Variants in EGFR observed in about 807,000 individuals in gnomAD.
EGFR encodes epidermal growth factor receptor.
EGFR carries 58 observed loss-of-function variants against 143.0 expected under a neutral mutation model. The observed-to-expected ratio is 0.41, with a 90% CI of 0.33 to 0.50. EGFR has a LOEUF of 0.50. EGFR is among the 20% of genes least tolerant of loss of function. The pLI, the probability that EGFR is intolerant of heterozygous loss-of-function variation, is 0.39. For synonymous variants in EGFR, 613 were observed against 594.4 expected (o/e 1.03, Z -0.45); for missense variants, 1,307 against 1,579.0 (o/e 0.83, Z 2.92).
chr7:55,180,248 A>G (rs1400309050), intron 19 of EGFR: 2 of 152,250 alleles, frequency 1.3e-5, no homozygotes, highest in African/African-American at 2.4e-5. Context: ...GTTCTTTTCC[A>G]TATCTGAATA....
At chr7:55,117,919 G>T (rs1056902794) in intron 1 of EGFR, among the ~76,000 whole-genome samples, 2 of 152,158 alleles carry the variant, frequency 1.3e-5, no homozygotes, top group African/African-American at 4.8e-5. Context: ...ACTGGAGTTA[G>T]TTTGAGACAT....
At chr7:55,181,104 C>A in intron 19 of EGFR, 189 bp from the exon 20 acceptor site, 2 of 703,574 alleles carry the variant, frequency 2.8e-6, no homozygotes, top group Non-Finnish European at 4.8e-6. Context: ...TCTCCCACTG[C>A]ATCTGTCACT....
chr7:55,091,402 T>G (rs1180040855), intron 1 of EGFR, among the ~76,000 whole-genome samples: 2 of 152,196 alleles, frequency 1.3e-5, no homozygotes, highest in African/African-American at 4.8e-5. Flanking sequence ...AGTCAAAGAT[T>G]TGTAACCAGC....
intron 1 of EGFR, among the ~76,000 whole-genome samples, chr7:55,108,309 G>T (rs1487725249): frequency 6.6e-6 from 1 of 152,218 alleles, no homozygotes; most frequent in African/African-American, 2.4e-5. Context: ...CCATGTTCAC[G>T]CACAGGGGCC....
chr7:55,200,568 G>A (rs1480356935), intron 24 of EGFR, 155 bp downstream of exon 24: 3 of 769,836 alleles, frequency 3.9e-6, no homozygotes, highest in African/African-American at 3.4e-5. Flanking sequence ...TAAGGCGCAG[G>A]CCACATCGTG....
At chr7:55,170,270 C>G (rs2128950343) in intron 15 of EGFR, 1 of 1,613,930 alleles carries the variant, frequency 6.2e-7, no homozygotes, top group Non-Finnish European at 8.5e-7. Context: ...CCCCAGGCCT[C>G]TCACATATTG....
chr7:55,102,652 T>C (rs1791895610), intron 1 of EGFR, among the ~76,000 whole-genome samples: 1 of 152,246 alleles, frequency 6.6e-6, no homozygotes, highest in Non-Finnish European at 1.5e-5. Context: ...AAATGCTTTT[T>C]GGAAAAAACA....
At position 55,192,775 on chromosome 7, in the gene EGFR, A is replaced by G. The variant is rs2128965485; in HGVS notation, c.2635A>G (p.Lys879Glu). The G allele has an allele frequency of 6.2e-7, 1 of 1,614,164 alleles. No homozygotes were observed. Among genetic ancestry groups the G allele is most frequent in the Non-Finnish European group, 8.5e-7 (1 of 1,180,006 alleles). Residue 879 changes from lysine to glutamate, a missense_variant, in exon 22 of 28, where the codon AAG (lysine) becomes GAG (glutamate). Lys to Glu is a moderately conservative substitution (Grantham distance 56, BLOSUM62 1). This residue lies in a region of EGFR where 348 missense variants were observed against 451.5 expected (regional missense o/e 0.77). Transcript: ENST00000275493. ...CTCTCACCATCCCAAGGTGCCTATC[A>G]AGTGGATGGCATTGGAATCAATTTT... ...YHAEGGKVPI[K>E]WMALESILHR... is the part of the protein sequence containing the mutation.
At chr7:55,090,508 A>G (rs112915351) in intron 1 of EGFR, among the ~76,000 whole-genome samples, 1 of 152,170 alleles carries the variant, frequency 6.6e-6, no homozygotes, top group Non-Finnish European at 1.5e-5. Context: ...TAGGATTCAG[A>G]TATAATAACA....
rs371909721 is a variant in EGFR at position 55,170,381 on chromosome 7, G to T, written c.1881-794G>T. ...TCATCCTGTAATCAAAGTAATGATG[G>T]CAGCGTGTCCCACCAGAGCGGGAGC... is the stretch of plus-strand genomic sequence containing the variant. On this transcript the variant is annotated intron_variant, in intron 15 of 27. Transcript: ENST00000275493. 5 of 1,614,006 alleles carry T rather than the reference G, an allele frequency of 3.1e-6. No individual in the cohort carries two copies. In the African/African-American group the frequency reaches 6.7e-5, roughly 22 times the overall value.
At chr7:55,126,239 TG>T (rs752570843) in intron 1 of EGFR, among the ~76,000 whole-genome samples, 13 of 152,314 alleles carry the variant, frequency 8.5e-5, no homozygotes, top group Non-Finnish European at 1.6e-4. Context: ...CCCCACTGGA[TG>T]GTAAGCTTCC....
chr7:55,203,202 A>G lies in EGFR; in HGVS notation c.3271+577A>G, dbSNP rs547264294. 7.0e-4 allele frequency: 143 copies of G among 205,554 alleles called. No individual in the cohort carries two copies. The East Asian group carries it at 9.4e-3, about 14-fold the overall frequency. 12.7% of individuals were successfully genotyped at this position (205,554 alleles called of 1,614,324 possible). ...CAGACACATACACATGCACACACAT[A>G]TACACACACACCTCAAATACATACA... On this transcript the variant is annotated intron_variant, in intron 27 of 27. Coordinates refer to ENST00000275493, the MANE Select transcript of EGFR (RefSeq NM_005228.5).
chr7:55,205,124 G>T, intron 27 of EGFR, 132 bp from the exon 28 acceptor site: 1 of 1,357,684 alleles, frequency 7.4e-7, no homozygotes, highest in Non-Finnish European at 1.0e-6. Flanking sequence ...ACAGCAAGAG[G>T]GCCCTCCCGA....
chr7:55,194,225 ACTTT>A (rs1787522760), intron 22 of EGFR, among the ~76,000 whole-genome samples: 1 of 120,276 alleles, frequency 8.3e-6, no homozygotes, highest in South Asian at 2.8e-4. Context: ...ATATTTTTTA[ACTTT>A]TTTTTTTTTT....
chr7:55,072,070 G>T (rs558177736), intron 1 of EGFR, among the ~76,000 whole-genome samples: 138 of 152,168 alleles, frequency 9.1e-4, no homozygotes, highest in Non-Finnish European at 1.6e-3. Flanking sequence ...GTGTGCCACA[G>T]TAATACTAGA....
chr7:55,148,394 A>T (rs949131369), intron 4 of EGFR, among the ~76,000 whole-genome samples: 2 of 152,192 alleles, frequency 1.3e-5, no homozygotes, highest in Non-Finnish European at 2.9e-5. Context: ...ACCCACAGAG[A>T]AAGTGCTGGA....
At chr7:55,168,663 T>C (rs1786191686) in intron 15 of EGFR, 1 of 1,374,430 alleles carries the variant, frequency 7.3e-7, no homozygotes, top group Non-Finnish European at 1.0e-6. Flanking sequence ...ATATTTTCTT[T>C]AGTATGTGTG....
chr7:55,116,161 A>C (rs1156410555), intron 1 of EGFR, among the ~76,000 whole-genome samples: 1 of 152,216 alleles, frequency 6.6e-6, no homozygotes, highest in African/African-American at 2.4e-5. Context: ...ACATCGATTC[A>C]AAAAGGGCAT....
At chr7:55,093,165 G>A (rs921934784) in intron 1 of EGFR, among the ~76,000 whole-genome samples, 23 of 152,292 alleles carry the variant, frequency 1.5e-4, no homozygotes, top group African/African-American at 5.3e-4. Flanking sequence ...TCAGGGGTCC[G>A]CTGGGTTCCT....
Sources: allele counts gnomAD v4.1 joint callset (sites outside exome capture counted in the v4.1 genomes callset), GRCh38; gene constraint gnomAD v4.1.1; regional missense constraint gnomAD v4.1.1; transcripts MANE v1.5; gene names NCBI Gene and HGNC (gene_info 2026-07-23, HGNC 2026-07-21).